Variants in LRRIQ1 observed in about 807,000 individuals in gnomAD.
LRRIQ1 encodes leucine rich repeats and IQ motif containing 1.
Under a neutral mutation model 211.9 loss-of-function variants are expected in LRRIQ1, and 210 were observed. The observed-to-expected ratio is 0.99, with a 90% confidence interval of 0.89 to 1.11. The LOEUF (loss-of-function observed/expected upper bound fraction) is 1.11, where lower values mean the gene tolerates loss of function less well. Ranked by LOEUF, LRRIQ1 falls within the 50% of genes most tolerant of loss-of-function variation. The pLI is 0.00. For missense variants in LRRIQ1, 2,136 were observed against 1,939.5 expected (o/e 1.10, Z -1.90); for synonymous variants, 699 against 650.1 (o/e 1.08, Z -1.14).
intron 19 of LRRIQ1, among the ~76,000 whole-genome samples, chr12:85,149,787 C>A (rs76564315): frequency 0.021 from 3,112 of 151,754 alleles, 139 homozygotes; most frequent in East Asian, 0.2. Context: ...TTATATAAAA[C>A]CTTCTCTTTA....
intron 26 of LRRIQ1, among the ~76,000 whole-genome samples, chr12:85,237,029 C>A (rs1040769965): frequency 5.3e-5 from 8 of 151,204 alleles, no homozygotes; most frequent in African/African-American, 1.9e-4. Flanking sequence ...TAGATTAAAA[C>A]CATGCAGAAA....
At chr12:85,247,876 G>T (rs1254281939), downstream of LRRIQ1, among the ~76,000 whole-genome samples, 2 of 151,508 alleles carry the variant, frequency 1.3e-5, no homozygotes, top group Non-Finnish European at 3.0e-5. Context: ...CTTCCTAAAT[G>T]TTCTGTCCCT....
At chr12:85,223,773 A>C (rs997924649) in intron 24 of LRRIQ1, among the ~76,000 whole-genome samples, 3 of 151,826 alleles carry the variant, frequency 2.0e-5, no homozygotes, top group Non-Finnish European at 4.4e-5. Flanking sequence ...ATAAATAGTC[A>C]AAAACAAAAA....
chr12:85,170,575 G>GTAT (rs1436885051), intron 24 of LRRIQ1, among the ~76,000 whole-genome samples: 3 of 150,956 alleles, frequency 2.0e-5, no homozygotes, highest in African/African-American at 7.3e-5. Flanking sequence ...TGAGAGATAT[G>GTAT]TATATGGTTA....
intron 18 of LRRIQ1, among the ~76,000 whole-genome samples, chr12:85,132,088 C>G (rs1385851926): frequency 1.3e-5 from 2 of 151,980 alleles, no homozygotes; most frequent in African/African-American, 2.4e-5. Context: ...TTTGCAGAAG[C>G]CCAGACCCTG....
intron 24 of LRRIQ1, among the ~76,000 whole-genome samples, chr12:85,225,995 C>T (rs896180960): frequency 2.6e-5 from 4 of 152,156 alleles, no homozygotes; most frequent in African/African-American, 7.2e-5. Flanking sequence ...TGTTCTGTTT[C>T]TTACACTGAG....
intron 19 of LRRIQ1, among the ~76,000 whole-genome samples, chr12:85,138,685 G>A (rs1429901199): frequency 6.6e-6 from 1 of 151,256 alleles, no homozygotes; most frequent in African/African-American, 2.4e-5. Flanking sequence ...AACCGTAAAG[G>A]TCATATGATA....
rs1887992569 is a variant in LRRIQ1, at chr12:85,121,638, T to G, written c.3378-59T>G. 2.3e-6 allele frequency: 3 copies of G among 1,278,476 alleles called. No individual in the cohort carries two copies. In the Admixed American group the frequency reaches 7.9e-5, roughly 34 times the overall value. 79.2% of individuals were successfully genotyped at this position (1,278,476 alleles called of 1,614,324 possible). On this transcript the variant is annotated intron_variant, in intron 15 of 26. Coordinates refer to ENST00000393217, the MANE Select transcript of LRRIQ1 (RefSeq NM_001079910.2). ...TTTAAATGATTAGTATATGGTTATT[T>G]AGATACATACTCTCCTTATCAAGAT...
chr12:85,089,828 G>A (rs189200539), intron 11 of LRRIQ1, among the ~76,000 whole-genome samples: 100 of 152,272 alleles, frequency 6.6e-4, no homozygotes, highest in Non-Finnish European at 9.0e-4. Flanking sequence ...AAGCTTTTTT[G>A]GGGGGAGTAA....
At chr12:85,238,549 A>T (rs999891724) in intron 26 of LRRIQ1, among the ~76,000 whole-genome samples, 1 of 152,244 alleles carries the variant, frequency 6.6e-6, no homozygotes, top group Admixed American at 6.5e-5. Flanking sequence ...ACAAATATTG[A>T]CATCCAGAAG....
At chr12:85,231,047 CAAA>C (rs1238327953) in intron 25 of LRRIQ1, among the ~76,000 whole-genome samples, 1 of 126,730 alleles carries the variant, frequency 7.9e-6, no homozygotes. Flanking sequence ...GACTCCACCT[CAAA>C]AAAAAAAAAA....
intron 24 of LRRIQ1, among the ~76,000 whole-genome samples, chr12:85,217,988 G>A (rs73365726): frequency 0.14 from 20,555 of 151,570 alleles, 3,038 homozygotes; most frequent in African/African-American, 0.37. Flanking sequence ...TATTTTTCAA[G>A]GATAATTAAA....
chr12:85,100,843 A>AT (rs1886295969), intron 13 of LRRIQ1, among the ~76,000 whole-genome samples: 1 of 151,710 alleles, frequency 6.6e-6, no homozygotes, highest in Non-Finnish European at 1.5e-5. Context: ...ACCTTAGAAT[A>AT]TTTCACAAGT....
chr12:85,098,719 A>G (rs945461927), intron 12 of LRRIQ1, 148 bp from the exon 13 acceptor site: 1 of 680,094 alleles, frequency 1.5e-6, no homozygotes, highest in African/African-American at 1.9e-5. Flanking sequence ...TAGAAATTTT[A>G]TTCATATTTA....
chr12:85,056,501 G>A lies in LRRIQ1; in HGVS notation c.1708G>A (p.Glu570Lys). 1.2e-6 allele frequency: 2 copies of A among 1,611,902 alleles called. No individual in the cohort carries two copies. The highest frequency in any genetic ancestry group is 2.2e-5 in the South Asian group (2 of 90,594). Residue 570 changes from glutamate to lysine, a missense_variant, in exon 8 of 27, where the codon GAA becomes AAA. Transcript: ENST00000393217. Reference protein sequence around the residue: ...NQEISEVKTNEEQKIIKDNQQ... With the variant: ...NQEISEVKTNKEQKIIKDNQQ... ...AGAAATCAGTGAGGTGAAAACCAAT[G>A]AAGAGCAGAAAATAATCAAAGATAA...
intron 26 of LRRIQ1, among the ~76,000 whole-genome samples, chr12:85,233,405 G>A (rs932258257): frequency 2.0e-5 from 3 of 152,048 alleles, no homozygotes; most frequent in Admixed American, 2.0e-4. Flanking sequence ...ATTCTGACCA[G>A]TGACAGAAGT....
At chr12:85,259,229 G>A (rs1468648541) in intron 1 of LRRIQ1, among the ~76,000 whole-genome samples, 3 of 152,006 alleles carry the variant, frequency 2.0e-5, no homozygotes, top group Admixed American at 2.0e-4. Flanking sequence ...AATTGTCAAA[G>A]ATTTGTTAGT....
chr12:85,197,937 A>G (rs1399353862), intron 24 of LRRIQ1, among the ~76,000 whole-genome samples: 3 of 110,352 alleles, frequency 2.7e-5, no homozygotes, highest in African/African-American at 1.0e-4. Flanking sequence ...ATATAATTAT[A>G]TATATTTATA....
At chr12:85,202,874 T>C (rs557740045) in intron 24 of LRRIQ1, among the ~76,000 whole-genome samples, 6 of 151,960 alleles carry the variant, frequency 3.9e-5, no homozygotes, top group Non-Finnish European at 7.4e-5. Context: ...GGCTGTGTAG[T>C]CTCACTGGCC....
Sources: allele counts gnomAD v4.1 joint callset (sites outside exome capture counted in the v4.1 genomes callset), GRCh38; gene constraint gnomAD v4.1.1; transcripts MANE v1.5; gene names NCBI Gene and HGNC (gene_info 2026-07-23, HGNC 2026-07-21).